DLG2: variants seen among roughly 807,000 people sequenced by gnomAD.
DLG2 encodes disks large homolog 2.
A neutral mutation model predicts 132.5 loss-of-function variants in DLG2; 45 were observed. That is an observed-to-expected ratio of 0.34 (90% CI 0.27 to 0.44). The LOEUF is 0.44. Among genes scored for constraint, DLG2 ranks in the 20% least tolerant of loss-of-function variants. The pLI, the probability that DLG2 is intolerant of heterozygous loss-of-function variation, is 1.00. For missense variants in DLG2, 1,045 were observed against 1,196.9 expected (o/e 0.87, Z 1.87); for synonymous variants, 424 against 419.6 (o/e 1.01, Z -0.13).
At chr11:84,228,142 C>T (rs1460538075) in intron 8 of DLG2, among the ~76,000 whole-genome samples, 4 of 152,080 alleles carry the variant, frequency 2.6e-5, no homozygotes, top group East Asian at 3.9e-4. Flanking sequence ...TTCCCTAATG[C>T]CCTTAACTAT....
chr11:85,518,201 G>A (rs751962791), intron 3 of DLG2, among the ~76,000 whole-genome samples: 2 of 152,174 alleles, frequency 1.3e-5, no homozygotes, highest in African/African-American at 2.4e-5. Context: ...TTGGTAACAC[G>A]CAAAGTTGGA....
chr11:84,469,598 T>C (rs935017288), intron 7 of DLG2, among the ~76,000 whole-genome samples: 8 of 151,640 alleles, frequency 5.3e-5, no homozygotes, highest in Non-Finnish European at 1.2e-4. Context: ...TATCATTAAA[T>C]ATTTATCCAG....
chr11:85,198,492 A>G (rs901312954), intron 4 of DLG2, among the ~76,000 whole-genome samples: 7 of 152,206 alleles, frequency 4.6e-5, no homozygotes, highest in Non-Finnish European at 5.9e-5. Flanking sequence ...ATCAATTTAT[A>G]TATATGAAAT....
chr11:85,075,971 C>T (rs1050374021), intron 6 of DLG2, among the ~76,000 whole-genome samples: 10 of 151,908 alleles, frequency 6.6e-5, no homozygotes, highest in Admixed American at 1.3e-4. Flanking sequence ...AACAGCAACA[C>T]GCCTTGCCAT....
chr11:84,998,278 G>A (rs1187168940), intron 6 of DLG2, among the ~76,000 whole-genome samples: 1 of 151,932 alleles, frequency 6.6e-6, no homozygotes, highest in African/African-American at 2.4e-5. Flanking sequence ...TCGGATTATG[G>A]TGGCAATTTC....
At chr11:85,265,214 C>G (rs1049152386) in intron 4 of DLG2, among the ~76,000 whole-genome samples, 1 of 152,170 alleles carries the variant, frequency 6.6e-6, no homozygotes, top group Non-Finnish European at 1.5e-5. Context: ...GACTGAATAT[C>G]TGCATGACCC....
chr11:84,782,694 C>T (rs1420577206), intron 6 of DLG2, among the ~76,000 whole-genome samples: 1 of 152,116 alleles, frequency 6.6e-6, no homozygotes, highest in Non-Finnish European at 1.5e-5. Flanking sequence ...TGTGAAATAT[C>T]TATTACATGG....
chr11:84,645,686 C>G (rs2154545811), intron 6 of DLG2, among the ~76,000 whole-genome samples: 1 of 152,288 alleles, frequency 6.6e-6, no homozygotes, highest in Non-Finnish European at 1.5e-5. Context: ...CCAGGATGGT[C>G]TCGATCTCCT....
chr11:83,984,179 GTAGATAGATAGATGATAGA>G (rs940452081), intron 11 of DLG2, among the ~76,000 whole-genome samples: 1 of 141,356 alleles, frequency 7.1e-6, no homozygotes, highest in Non-Finnish European at 1.6e-5. Context: ...TATGGATACT[GTAGATAGATAGATGATAGA>G]TAGATAGATA....
At chr11:84,476,891 C>T (rs2099123108) in intron 7 of DLG2, among the ~76,000 whole-genome samples, 2 of 152,162 alleles carry the variant, frequency 1.3e-5, no homozygotes, top group African/African-American at 2.4e-5. Context: ...ATCATCCCTG[C>T]TGTGTCTTAT....
chr11:84,112,748 G>A (rs1040154453), intron 9 of DLG2, among the ~76,000 whole-genome samples: 1 of 152,068 alleles, frequency 6.6e-6, no homozygotes, highest in Non-Finnish European at 1.5e-5. Flanking sequence ...ACCTTGACTA[G>A]GCAAGAGGGA....
chr11:83,657,534 CTTTTTTT>C (rs540422330), intron 18 of DLG2, among the ~76,000 whole-genome samples: 1 of 93,398 alleles, frequency 1.1e-5, no homozygotes, highest in Admixed American at 1.1e-4. Context: ...ATTGTCTATT[CTTTTTTT>C]TTTTTTTTTT....
At chr11:85,310,869 C>G (rs1386014013) in intron 3 of DLG2, among the ~76,000 whole-genome samples, 1 of 152,202 alleles carries the variant, frequency 6.6e-6, no homozygotes, top group African/African-American at 2.4e-5. Flanking sequence ...AAATGCCCCA[C>G]TCATATATGT....
At chr11:84,579,307 A>G (rs953614376) in intron 6 of DLG2, among the ~76,000 whole-genome samples, 1 of 152,062 alleles carries the variant, frequency 6.6e-6, no homozygotes, top group African/African-American at 2.4e-5. Context: ...TAGTTTTTCA[A>G]TAAGACCTTA....
rs112225566 is a variant in DLG2 at position 84,802,413 on chromosome 11, C to T, written c.358-267682G>A. ...AGCAGCAGCAAGAAACCTTTACTAT[C>T]CCTAAGGATTAGGGCAAGAGAGAAG... is the stretch of plus-strand genomic sequence containing the variant. On this transcript the variant is annotated intron_variant, in intron 6 of 27. Transcript: ENST00000376104. Among the ~76,000 whole-genome samples the T allele has an allele frequency of 7.8e-4, 118 of 152,124 alleles. 2 individuals are homozygous for T. The highest frequency in any genetic ancestry group is 9.7e-4 in the Non-Finnish European group (66 of 67,986).
chr11:84,273,189 T>C (rs1182665373), intron 7 of DLG2: 3 of 1,571,784 alleles, frequency 1.9e-6, no homozygotes, highest in Non-Finnish European at 2.6e-6. Context: ...TCACATTGTT[T>C]TAAGGAAGCA....
At chr11:83,862,972 G>A (rs1278969509) in intron 16 of DLG2, among the ~76,000 whole-genome samples, 1 of 152,098 alleles carries the variant, frequency 6.6e-6, no homozygotes, top group East Asian at 1.9e-4. Context: ...GCACTCAGTC[G>A]AGAGAAACTT....
chr11:85,193,304 T>C (rs1162935018), intron 4 of DLG2, among the ~76,000 whole-genome samples: 1 of 152,222 alleles, frequency 6.6e-6, no homozygotes, highest in Non-Finnish European at 1.5e-5. Context: ...ATATTGTTTA[T>C]CCATTCATCA....
chr11:85,308,013 G>T (rs141250989), intron 3 of DLG2, among the ~76,000 whole-genome samples: 19 of 151,958 alleles, frequency 1.3e-4, no homozygotes, highest in Admixed American at 1.2e-3. Flanking sequence ...AAATTAGCTG[G>T]GTGTGGTGGC....
Sources: gnomAD v4.1 joint callset for allele counts (sites outside exome capture counted in the v4.1 genomes callset) on GRCh38, gnomAD v4.1.1 for gene constraint, MANE v1.5 for transcripts, NCBI Gene and HGNC (gene_info 2026-07-23, HGNC 2026-07-21) for gene names.